LPCAT1: variants seen among roughly 807,000 people sequenced by gnomAD.
The protein encoded by LPCAT1 is 1-acylglycerol-3-phosphate O-acyltransferase.
LPCAT1 carries 23 observed loss-of-function variants against 60.9 expected under a neutral mutation model. The observed-to-expected ratio is 0.38, with a 90% CI of 0.27 to 0.53. LPCAT1 has a LOEUF of 0.53. LPCAT1 is among the 20% of genes least tolerant of loss of function. The pLI is 0.82. For missense variants in LPCAT1, 622 were observed against 723.6 expected, an observed-to-expected ratio of 0.86 and a Z score of 1.61; for synonymous variants, 340 against 301.1, an observed-to-expected ratio of 1.13 and a Z score of -1.34.
intron 1 of LPCAT1, among the ~76,000 whole-genome samples, chr5:1,516,146 C>T (rs1051639886): frequency 6.6e-6 from 1 of 152,204 alleles, no homozygotes; most frequent in Non-Finnish European, 1.5e-5. Flanking sequence ...ATGACCTGAT[C>T]GCTCTAAGGT....
intron 1 of LPCAT1, among the ~76,000 whole-genome samples, chr5:1,505,657 C>T (rs1376056119): frequency 1.3e-5 from 2 of 152,308 alleles, no homozygotes; most frequent in African/African-American, 2.4e-5. Context: ...CCTCGGCTCG[C>T]GCACCCCCAC....
chr5:1,517,884 G>C (rs1736552167), intron 1 of LPCAT1, among the ~76,000 whole-genome samples: 1 of 152,242 alleles, frequency 6.6e-6, no homozygotes, highest in Admixed American at 6.5e-5. Context: ...GGGGGACGAG[G>C]GGACAAGGGG....
At chr5:1,518,922 T>A (rs1029692193) in intron 1 of LPCAT1, among the ~76,000 whole-genome samples, 2 of 152,224 alleles carry the variant, frequency 1.3e-5, no homozygotes, top group African/African-American at 2.4e-5. Flanking sequence ...AGGTGTTGTC[T>A]CACTTGGGCT....
rs980496198 is a variant in LPCAT1, at chr5:1,463,346, G to T, written c.*305C>A. The T allele has an allele frequency of 5.9e-6, 2 of 338,588 alleles. No individual in the cohort carries two copies. The highest frequency in any genetic ancestry group is 5.4e-6 in the Non-Finnish European group (1 of 184,746). 21.0% of individuals were successfully genotyped at this position (338,588 alleles called of 1,614,324 possible). A position where few individuals can be genotyped will look rare whatever the true frequency, so the allele number is the denominator to read the frequency against. On this transcript the variant is annotated 3_prime_UTR_variant, in exon 14 of 14. Transcript: ENST00000283415. Reference sequence around the variant, plus strand: ...GCTGTGACAGAGACTCGAAACCAGGGCCCCGTGGGAGAACACGGGGCGGCA... The same window carrying T: ...GCTGTGACAGAGACTCGAAACCAGGTCCCCGTGGGAGAACACGGGGCGGCA...
At position 1,465,798 on chromosome 5, in the gene LPCAT1, TAAA is replaced by T. The variant is rs745899823; in HGVS notation, c.1420+948_1420+950del. Reference sequence around the variant, plus strand: ...CGGTAAACATGCACACTTTCAATACTAAAAGAAGCACGCACATGCGTGCACACA... The same window carrying T: ...CGGTAAACATGCACACTTTCAATACTAGAAGCACGCACATGCGTGCACACA... On this transcript the variant is annotated intron_variant, in intron 13 of 13. Coordinates refer to ENST00000283415, the MANE Select transcript of LPCAT1 (RefSeq NM_024830.5). Among the ~76,000 whole-genome samples the T allele has an allele frequency of 2.1e-4, 31 of 150,816 alleles. 1 individual carries two copies. The highest frequency in any genetic ancestry group is 1.1e-3 in the South Asian group (5 of 4,752).
chr5:1,480,304 C>T lies in LPCAT1; in HGVS notation c.762-629G>A, dbSNP rs993606868. The T allele has an allele frequency of 2.0e-6, 2 of 984,478 alleles. No individual in the cohort carries two copies. The highest frequency in any genetic ancestry group is 3.5e-5 in the African/African-American group (2 of 57,006). 61.0% of individuals were successfully genotyped at this position (984,478 alleles called of 1,614,324 possible). On this transcript the variant is annotated intron_variant, in intron 7 of 13. Coordinates refer to ENST00000283415, the MANE Select transcript of LPCAT1 (RefSeq NM_024830.5). The surrounding 1 kb of genome is among the most constrained non-coding windows in gnomAD (Gnocchi z 6.4). The stretch of plus-strand genomic sequence containing the variant: ...AGCCTGGGAAGCGCTGACCTCAACA[C>T]CTTCACCTGAAAGCACCAGCGGACC...
In LPCAT1 at chr5:1,478,924, G is replaced by C. The variant is rs149991491; in HGVS notation, c.816+697C>G. Among the ~76,000 whole-genome samples the C allele has an allele frequency of 3.9e-3, 591 of 152,350 alleles. 4 individuals carry two copies. The highest frequency in any genetic ancestry group is 0.013 in the African/African-American group (558 of 41,570). On this transcript the variant is annotated intron_variant, in intron 8 of 13. Coordinates refer to ENST00000283415, the MANE Select transcript of LPCAT1 (RefSeq NM_024830.5). ...CAAGGTCTTGACTCTGGAGACCTGG[G>C]TCAGGCTGAGAAGGGGGATCTTTGA... is the stretch of plus-strand genomic sequence containing the variant.
chr5:1,501,173 G>A (rs1735988715), intron 2 of LPCAT1, among the ~76,000 whole-genome samples: 1 of 152,228 alleles, frequency 6.6e-6, no homozygotes, highest in Non-Finnish European at 1.5e-5. Context: ...AGGCTACGGT[G>A]TAGGGGGGTC....
At chr5:1,466,006 C>T (rs1560946315) in intron 13 of LPCAT1, among the ~76,000 whole-genome samples, 1 of 152,228 alleles carries the variant, frequency 6.6e-6, no homozygotes, top group African/African-American at 2.4e-5. Context: ...ACGCTGTGCA[C>T]GCAGCTCTCT....
At chr5:1,500,612 C>G (rs1364505978) in intron 2 of LPCAT1, among the ~76,000 whole-genome samples, 6 of 152,178 alleles carry the variant, frequency 3.9e-5, no homozygotes, top group East Asian at 1.9e-4. Flanking sequence ...GCCTCCTGTC[C>G]GAAGGCAGGG....
In LPCAT1 at chr5:1,517,112, T is replaced by C. The variant is rs1239407322; in HGVS notation, c.135+6598A>G. Among the ~76,000 whole-genome samples the C allele has an allele frequency of 7.9e-5, 12 of 152,208 alleles. No homozygotes were observed. The East Asian group carries it at 1.2e-3, about 15-fold the overall frequency. ...TTTCCTGGGCTCATTTTCAGAATGATTCACAGCTAGATTAAAGGTTTACAC... is the reference window on the plus strand; with the variant it reads ...TTTCCTGGGCTCATTTTCAGAATGACTCACAGCTAGATTAAAGGTTTACAC... On this transcript the variant is annotated intron_variant, in intron 1 of 13. Coordinates refer to ENST00000283415, the MANE Select transcript of LPCAT1 (RefSeq NM_024830.5).
In LPCAT1 at chr5:1,461,453, C is replaced by T. The variant is rs4738; in HGVS notation, c.*2198G>A. 0.72 allele frequency: 110,299 copies of T among 152,224 alleles called. 40,068 individuals are homozygous for T. Among genetic ancestry groups the T allele is most frequent in the South Asian group, 0.83 (3,992 of 4,824 alleles). 9.4% of individuals were successfully genotyped at this position (152,224 alleles called of 1,614,324 possible). On this transcript the variant is annotated 3_prime_UTR_variant, in exon 14 of 14. Transcript: ENST00000283415. ...TCCCAAGTATAGACTTTATGTTTTA[C>T]TTATTCCATTGAAAATCCCAAGTTC...
rs113223120 is a variant in LPCAT1 at position 1,475,031 on chromosome 5, A to G, written c.900-346T>C. Among the ~76,000 whole-genome samples, 499 of 152,354 alleles carry G rather than the reference A, an allele frequency of 3.3e-3. 1 individual carries two copies. Among genetic ancestry groups the G allele is most frequent in the African/African-American group, 0.012 (485 of 41,586 alleles). ...TACCAACATGTGACCCAGAGACGCC[A>G]AAGTGAGCTCACAGTGCTGGAAAAC... is the stretch of plus-strand genomic sequence containing the variant. On this transcript the variant is annotated intron_variant, in intron 9 of 13. Transcript: ENST00000283415.
intron 1 of LPCAT1, among the ~76,000 whole-genome samples, chr5:1,507,994 C>T (rs574145287): frequency 3.2e-4 from 49 of 152,326 alleles, no homozygotes; most frequent in African/African-American, 9.6e-4. Context: ...ACCAGAGGCC[C>T]GAGGGAGCTC....
At chr5:1,472,089 A>G (rs1734701960) in intron 11 of LPCAT1, among the ~76,000 whole-genome samples, 1 of 135,116 alleles carries the variant, frequency 7.4e-6, no homozygotes, top group South Asian at 2.4e-4. Context: ...CTCCCTGATC[A>G]GAGAGCAGGA....
intron 12 of LPCAT1, among the ~76,000 whole-genome samples, chr5:1,469,768 G>A (rs1252249026): frequency 1.3e-5 from 2 of 151,790 alleles, no homozygotes; most frequent in East Asian, 1.9e-4. Flanking sequence ...ACAACAGAGC[G>A]AGACTCCATC....
intron 6 of LPCAT1, among the ~76,000 whole-genome samples, chr5:1,482,406 C>T (rs571486412): frequency 6.3e-5 from 4 of 63,498 alleles, no homozygotes; most frequent in Non-Finnish European, 1.1e-4. Context: ...TGGGCAGGGG[C>T]GGGGCCAGGG....
chr5:1,509,164 AGACTCGAAG>A (rs1736278230), intron 1 of LPCAT1, among the ~76,000 whole-genome samples: 1 of 152,258 alleles, frequency 6.6e-6, no homozygotes, highest in Non-Finnish European at 1.5e-5. Context: ...TGGCGCCCGG[AGACTCGAAG>A]GCCGCGAGGC....
At chr5:1,518,635 C>T (rs956117433) in intron 1 of LPCAT1, among the ~76,000 whole-genome samples, 54 of 152,368 alleles carry the variant, frequency 3.5e-4, no homozygotes, top group African/African-American at 1.2e-3. Context: ...CCGTTGCGCC[C>T]GGCCCACAGT....
Sources: gnomAD v4.1 joint callset for allele counts (sites outside exome capture counted in the v4.1 genomes callset) on GRCh38, gnomAD v4.1.1 for gene constraint, Gnocchi (gnomAD v3.1) non-coding constraint, MANE v1.5 for transcripts, NCBI Gene and HGNC (gene_info 2026-07-23, HGNC 2026-07-21) for gene names.